Variants in PTPRG observed in about 807,000 individuals in gnomAD.
The protein encoded by PTPRG is receptor-type tyrosine-protein phosphatase gamma.
PTPRG carries 102 observed loss-of-function variants against 165.3 expected under a neutral mutation model. That is an observed-to-expected ratio of 0.62 (90% CI 0.53 to 0.73). The LOEUF (loss-of-function observed/expected upper bound fraction) is 0.73, where lower values mean the gene tolerates loss of function less well. Among genes scored for constraint, PTPRG ranks in the 30% least tolerant of loss-of-function variants. The pLI is 0.00. For missense variants in PTPRG, 1,866 were observed against 1,861.4 expected (o/e 1.00, Z -0.05); for synonymous variants, 675 against 669.5 (o/e 1.01, Z -0.13).
chr3:62,282,700 AT>A, intron 27 of PTPRG, 26 bp from the exon 28 acceptor site: 1 of 1,591,688 alleles, frequency 6.3e-7, no homozygotes, highest in Middle Eastern at 1.7e-4. Context: ...AAAGGAAGGG[AT>A]TTGACCCATG....
At chr3:61,688,288 G>A (rs1703704394) in intron 1 of PTPRG, among the ~76,000 whole-genome samples, 1 of 152,092 alleles carries the variant, frequency 6.6e-6, no homozygotes, top group Non-Finnish European at 1.5e-5. Flanking sequence ...CGGACCTCAA[G>A]TCAAAAAAAG....
chr3:61,814,340 T>C (rs1046056642), intron 2 of PTPRG, among the ~76,000 whole-genome samples: 1 of 152,194 alleles, frequency 6.6e-6, no homozygotes, highest in Non-Finnish European at 1.5e-5. Flanking sequence ...GAGCTTATAG[T>C]TCATAACCAC....
intron 1 of PTPRG, among the ~76,000 whole-genome samples, chr3:61,697,127 C>T (rs543675516): frequency 1.3e-5 from 2 of 152,138 alleles, no homozygotes; most frequent in African/African-American, 4.8e-5. Context: ...CTAGGAGGGC[C>T]ACTCTCTGGC....
chr3:61,578,139 C>T (rs1373018894), intron 1 of PTPRG, among the ~76,000 whole-genome samples: 4 of 152,214 alleles, frequency 2.6e-5, no homozygotes, highest in Non-Finnish European at 5.9e-5. Context: ...CTCCTAGTTC[C>T]TGTTGGTGCT....
intron 7 of PTPRG, among the ~76,000 whole-genome samples, chr3:62,163,212 T>C (rs796385264): frequency 7.9e-4 from 120 of 152,068 alleles, no homozygotes; most frequent in Middle Eastern, 3.4e-3. Context: ...CCACCTGAGA[T>C]TTGGGTGGGG....
intron 12 of PTPRG, among the ~76,000 whole-genome samples, chr3:62,207,782 C>T (rs547243772): frequency 6.6e-6 from 1 of 152,208 alleles, no homozygotes; most frequent in South Asian, 2.1e-4. Flanking sequence ...GGGAATCCTT[C>T]TATAGAAGAA....
At chr3:62,196,944 AC>A (rs1330252415) in intron 10 of PTPRG, among the ~76,000 whole-genome samples, 4 of 152,208 alleles carry the variant, frequency 2.6e-5, no homozygotes, top group Non-Finnish European at 4.4e-5. Flanking sequence ...TGAGAAGTGC[AC>A]ATTCATGGGC....
Position 62,191,550 on chromosome 3 carries a change from C to G in PTPRG, c.1115C>G (p.Thr372Ser). Residue 372 changes from threonine to serine, a missense_variant, in exon 9 of 30, where the codon ACT (threonine) becomes AGT (serine). Thr to Ser is a moderately conservative substitution (Grantham distance 58). Around this residue, in one of 3 missense-constraint regions of PTPRG, gnomAD observed 1,452 missense variants for 1,463.0 expected, o/e 0.99. Transcript: ENST00000474889. ...ALQVSWSQPE[T>S]IYHPPIMNYM... Reference sequence around the variant, plus strand: ...CAGGTGTCCTGGAGCCAGCCGGAGACTATCTACCACCCACCCATCATGAAC... The same window carrying G: ...CAGGTGTCCTGGAGCCAGCCGGAGAGTATCTACCACCCACCCATCATGAAC... 1 of 1,614,186 alleles carries G rather than the reference C, an allele frequency of 6.2e-7. No homozygotes were observed. Among genetic ancestry groups the G allele is most frequent in the South Asian group, 1.1e-5 (1 of 91,084 alleles).
At chr3:61,644,320 T>C (rs1381061814) in intron 1 of PTPRG, among the ~76,000 whole-genome samples, 1 of 152,214 alleles carries the variant, frequency 6.6e-6, no homozygotes, top group East Asian at 1.9e-4. Context: ...TGACTTCCCA[T>C]AAGTAAAAAT....
intron 4 of PTPRG, 25 bp downstream of exon 4, chr3:62,003,522 G>C (rs138601102): frequency 1.3e-4 from 204 of 1,611,750 alleles, no homozygotes; most frequent in Middle Eastern, 1.7e-4. Context: ...AGATCTCAAC[G>C]TGTAGCTGTG....
rs1337089959 is a variant in PTPRG, at chr3:62,195,159, T to C, written c.1316T>C (p.Met439Thr). Residue 439 changes from methionine to threonine, a missense_variant, in exon 10 of 30, where the codon ATG becomes ACG. Met to Thr is a moderately conservative substitution (Grantham distance 81). Coordinates refer to ENST00000474889, the MANE Select transcript of PTPRG (RefSeq NM_002841.4). This position sits in a 1 kb window ranked among gnomAD's most constrained non-coding sequence, Gnocchi z 4.4. ...ATGCGCAGCGACTTTAGCCAGACGA[T>C]GCTGTTTCAAGGTGAGGCTGGCTTC... is the stretch of plus-strand genomic sequence containing the variant. ...NDMRSDFSQT[M>T]LFQANTTRIF... The C allele has an allele frequency of 1.2e-6, 2 of 1,614,046 alleles. No individual in the cohort carries two copies. Among genetic ancestry groups the C allele is most frequent in the Non-Finnish European group, 1.7e-6 (2 of 1,180,008 alleles).
rs1378655266 is a variant in PTPRG at position 62,245,315 on chromosome 3, G to A, written c.2467+1417G>A. On this transcript the variant is annotated intron_variant, in intron 15 of 29. Transcript: ENST00000474889. The surrounding 1 kb of genome is among the most constrained non-coding windows in gnomAD (Gnocchi z 4.2). Reference sequence around the variant, plus strand: ...TCAGCATGAAATAAGTAGTTTCATTGAATCTACTGGATTTGCACAATAGCG... The same window carrying A: ...TCAGCATGAAATAAGTAGTTTCATTAAATCTACTGGATTTGCACAATAGCG... Among the ~76,000 whole-genome samples the A allele has an allele frequency of 6.6e-6, 1 of 152,110 alleles. No homozygotes were observed. The highest frequency in any genetic ancestry group is 1.5e-5 in the Non-Finnish European group (1 of 68,026).
chr3:62,069,637 G>GTC (rs537162206), intron 4 of PTPRG, among the ~76,000 whole-genome samples: 82 of 141,112 alleles, frequency 5.8e-4, no homozygotes, highest in Non-Finnish European at 8.7e-4. Flanking sequence ...TAGGATCGAT[G>GTC]TCTCTCTCTC....
chr3:61,909,690 C>T (rs1366072515), intron 2 of PTPRG, among the ~76,000 whole-genome samples: 2 of 152,074 alleles, frequency 1.3e-5, no homozygotes, highest in East Asian at 3.9e-4. Context: ...CTGACCTCAA[C>T]TGAAGTTTTA....
intron 14 of PTPRG, among the ~76,000 whole-genome samples, chr3:62,234,936 T>TCC (rs200978366): frequency 1.0e-3 from 148 of 146,272 alleles, no homozygotes; most frequent in African/African-American, 2.2e-3. Context: ...TGAATCTACT[T>TCC]CCCCCCCCCG....
intron 2 of PTPRG, among the ~76,000 whole-genome samples, chr3:61,912,203 A>T (rs1453058840): frequency 6.6e-6 from 1 of 152,106 alleles, no homozygotes; most frequent in Non-Finnish European, 1.5e-5. Flanking sequence ...AGCTTTAGAA[A>T]TACCCCTTCT....
chr3:61,827,689 A>G (rs771612197), intron 2 of PTPRG, among the ~76,000 whole-genome samples: 1 of 152,192 alleles, frequency 6.6e-6, no homozygotes, highest in Non-Finnish European at 1.5e-5. Flanking sequence ...GGAAGGCCCA[A>G]TATTTTGCCT....
chr3:62,160,893 C>G (rs1347534574), intron 7 of PTPRG, among the ~76,000 whole-genome samples: 4 of 93,358 alleles, frequency 4.3e-5, no homozygotes, highest in African/African-American at 1.8e-4. Context: ...TTTTTTCTGA[C>G]AGTAAGCTGG....
intron 5 of PTPRG, among the ~76,000 whole-genome samples, chr3:62,083,858 A>C (rs1252484904): frequency 1.3e-5 from 2 of 152,236 alleles, no homozygotes; most frequent in East Asian, 3.9e-4. Flanking sequence ...TTTCAGTCAG[A>C]TGCACATAGA....
Sources: gnomAD v4.1 joint callset for allele counts (sites outside exome capture counted in the v4.1 genomes callset) on GRCh38, gnomAD v4.1.1 for gene constraint, gnomAD v4.1.1 regional missense constraint, Gnocchi (gnomAD v3.1) non-coding constraint, MANE v1.5 for transcripts, NCBI Gene and HGNC (gene_info 2026-07-23, HGNC 2026-07-21) for gene names.